The following MDGA2 variants were observed in gnomAD, a reference collection of about 807,000 sequenced individuals.
The protein encoded by MDGA2 is MAM domain containing glycosylphosphatidylinositol anchor 2.
In MDGA2, 40 loss-of-function variants were observed where a neutral mutation model predicts 117.8. The ratio of observed to expected loss-of-function variants is 0.34; its 90% CI spans 0.26 to 0.44. The LOEUF is 0.44. Among genes scored for constraint, MDGA2 ranks in the 20% least tolerant of loss-of-function variants. The pLI, the probability that MDGA2 is intolerant of heterozygous loss-of-function variation, is 1.00. For synonymous variants in MDGA2, 452 were observed against 439.0 expected, an observed-to-expected ratio of 1.03 and a Z score of -0.37; for missense variants, 1,123 against 1,250.6, an observed-to-expected ratio of 0.90 and a Z score of 1.54.
intron 8 of MDGA2, among the ~76,000 whole-genome samples, chr14:46,972,253 G>T (rs879935816): frequency 1.3e-5 from 2 of 152,138 alleles, no homozygotes; most frequent in African/African-American, 4.8e-5. Context: ...TGGAGAATTG[G>T]AGAATTGATG....
intron 1 of MDGA2, among the ~76,000 whole-genome samples, chr14:47,589,038 G>C (rs1343749932): frequency 6.6e-6 from 1 of 151,686 alleles, no homozygotes; most frequent in African/African-American, 2.4e-5. Context: ...GTAATCTTGA[G>C]GTTACATTGG....
intron 14 of MDGA2, among the ~76,000 whole-genome samples, chr14:46,862,512 G>T (rs1881552872): frequency 6.7e-6 from 1 of 149,846 alleles, no homozygotes; most frequent in Non-Finnish European, 1.5e-5. Context: ...TTTAATTATT[G>T]TACTATAAAT....
At chr14:46,877,547 C>G in intron 11 of MDGA2, 38 bp from the exon 12 acceptor site, 1 of 1,448,208 alleles carries the variant, frequency 6.9e-7, no homozygotes. Flanking sequence ...AACAAAAAAA[C>G]AATGTTAGCA....
intron 10 of MDGA2, among the ~76,000 whole-genome samples, chr14:46,894,904 A>G (rs1264343734): frequency 6.6e-6 from 1 of 152,180 alleles, no homozygotes; most frequent in East Asian, 1.9e-4. Flanking sequence ...TTTTCTTGTC[A>G]TGCTTGGATC....
At chr14:47,278,065 A>C (rs1196362446) in intron 2 of MDGA2, among the ~76,000 whole-genome samples, 1 of 151,810 alleles carries the variant, frequency 6.6e-6, no homozygotes, top group Non-Finnish European at 1.5e-5. Context: ...AGAAAGAAAA[A>C]CCTCTGAGGT....
chr14:47,031,809 T>C (rs1335450966), intron 8 of MDGA2, among the ~76,000 whole-genome samples: 1 of 152,156 alleles, frequency 6.6e-6, no homozygotes, highest in African/African-American at 2.4e-5. Flanking sequence ...CAGGTTGCCC[T>C]CTTGCCCCTG....
intron 1 of MDGA2, among the ~76,000 whole-genome samples, chr14:47,668,719 T>G (rs2138312784): frequency 6.6e-6 from 1 of 152,352 alleles, no homozygotes; most frequent in Middle Eastern, 3.4e-3. Flanking sequence ...TTTCATACTT[T>G]AAATATATGC....
chr14:47,547,951 A>C (rs909631057), intron 1 of MDGA2, among the ~76,000 whole-genome samples: 1 of 152,144 alleles, frequency 6.6e-6, no homozygotes, highest in Non-Finnish European at 1.5e-5. Flanking sequence ...TTGATCCAAT[A>C]TAACTATGTT....
At chr14:47,283,395 T>C (rs1019545416) in intron 2 of MDGA2, among the ~76,000 whole-genome samples, 1 of 152,244 alleles carries the variant, frequency 6.6e-6, no homozygotes, top group Non-Finnish European at 1.5e-5. Context: ...TTTAATGCAA[T>C]AAAATTTAAA....
chr14:47,284,778 C>A (rs1004617543), intron 2 of MDGA2, among the ~76,000 whole-genome samples: 1 of 149,930 alleles, frequency 6.7e-6, no homozygotes, highest in Non-Finnish European at 1.5e-5. Flanking sequence ...TAATGCTCTC[C>A]TGTGGTAAGA....
chr14:47,163,940 T>C (rs973541666), intron 3 of MDGA2, among the ~76,000 whole-genome samples: 1 of 152,200 alleles, frequency 6.6e-6, no homozygotes, highest in African/African-American at 2.4e-5. Flanking sequence ...GAGGCAGCCA[T>C]GTCCTCACTG....
intron 6 of MDGA2, among the ~76,000 whole-genome samples, chr14:47,069,935 AG>A (rs1365262865): frequency 3.9e-5 from 6 of 152,214 alleles, no homozygotes; most frequent in African/African-American, 1.4e-4. Flanking sequence ...GAAGATGAAG[AG>A]TGAATACTAT....
At chr14:47,606,334 C>A (rs552210190) in intron 1 of MDGA2, among the ~76,000 whole-genome samples, 1 of 152,286 alleles carries the variant, frequency 6.6e-6, no homozygotes, top group Non-Finnish European at 1.5e-5. Context: ...GAATCTCTTG[C>A]TTTTCTGTCA....
At chr14:46,870,363 T>G (rs1390391755) in intron 14 of MDGA2, among the ~76,000 whole-genome samples, 1 of 151,956 alleles carries the variant, frequency 6.6e-6, no homozygotes, top group Non-Finnish European at 1.5e-5. Context: ...GAATCTGGAT[T>G]TCCAAAAGAA....
At chr14:46,947,040 TTTC>T (rs1885194552) in intron 9 of MDGA2, among the ~76,000 whole-genome samples, 1 of 152,126 alleles carries the variant, frequency 6.6e-6, no homozygotes, top group Non-Finnish European at 1.5e-5. Context: ...TTACTCATTC[TTTC>T]TTCTTTCTCA....
At position 47,242,449 on chromosome 14, in the gene MDGA2, G is replaced by A. The variant is rs531728716; in HGVS notation, c.421-24254C>T. ...CTTTCAGGGAGGTGTGGAGGGAGAG[G>A]CACGAGCGGGAACCGGGGCTGCGTG... On this transcript the variant is annotated intron_variant, in intron 2 of 16. Transcript: ENST00000399232. Among the ~76,000 whole-genome samples, 4 of 151,994 alleles carry A rather than the reference G, an allele frequency of 2.6e-5. No homozygotes were observed. The East Asian group carries it at 7.8e-4, about 29-fold the overall frequency.
intron 5 of MDGA2, among the ~76,000 whole-genome samples, chr14:47,124,736 T>C (rs1044858225): frequency 2.0e-5 from 3 of 152,012 alleles, no homozygotes; most frequent in Admixed American, 2.0e-4. Context: ...GTGTCCATGT[T>C]TGGGACACTA....
At chr14:47,101,634 G>C (rs972931128) in intron 5 of MDGA2, among the ~76,000 whole-genome samples, 1 of 152,170 alleles carries the variant, frequency 6.6e-6, no homozygotes, top group African/African-American at 2.4e-5. Context: ...AGAGAGACCA[G>C]CTAGCACTGA....
At chr14:47,551,926 A>G (rs545300465) in intron 1 of MDGA2, among the ~76,000 whole-genome samples, 1 of 152,274 alleles carries the variant, frequency 6.6e-6, no homozygotes, top group South Asian at 2.1e-4. Flanking sequence ...AAACAGTAGG[A>G]GAAATAACAT....
Sources: allele counts gnomAD v4.1 joint callset (sites outside exome capture counted in the v4.1 genomes callset), GRCh38; gene constraint gnomAD v4.1.1; transcripts MANE v1.5; gene names NCBI Gene and HGNC (gene_info 2026-07-23, HGNC 2026-07-21).